ADAM10: variants seen among roughly 807,000 people sequenced by gnomAD.
ADAM10 encodes ADAM metallopeptidase domain 10.
In ADAM10, 17 loss-of-function variants were observed where a neutral mutation model predicts 90.1. That is an observed-to-expected ratio of 0.19 (90% confidence interval 0.13 to 0.28). The LOEUF (loss-of-function observed/expected upper bound fraction) is 0.28. Ranked by LOEUF, ADAM10 falls within the 10% of genes least tolerant of loss-of-function variation. ADAM10 has a pLI of 1.00. For synonymous variants in ADAM10, 310 were observed against 298.6 expected (o/e 1.04, Z -0.40); for missense variants, 610 against 914.3 (o/e 0.67, Z 4.29).
At chr15:58,610,895 G>A in intron 13 of ADAM10, 104 bp downstream of exon 13, 1 of 876,864 alleles carries the variant, frequency 1.1e-6, no homozygotes, top group Non-Finnish European at 1.9e-6. Flanking sequence ...GATTTAGCTG[G>A]AAATTATCTG....
At chr15:58,612,178 T>A (rs571019249) in intron 11 of ADAM10, among the ~76,000 whole-genome samples, 187 bp from the exon 12 acceptor site, 13 of 152,290 alleles carry the variant, frequency 8.5e-5, no homozygotes, top group African/African-American at 3.1e-4. Context: ...ACCGCCCTCC[T>A]GAGTAAACAG....
At chr15:58,616,872 G>C (rs145515963) in intron 11 of ADAM10, among the ~76,000 whole-genome samples, 12 of 152,140 alleles carry the variant, frequency 7.9e-5, no homozygotes, top group Non-Finnish European at 5.9e-5. Flanking sequence ...ACTTTGGGAG[G>C]CCGAGGCGGA....
rs35618023 is a variant in ADAM10 at position 58,719,776 on chromosome 15, TC to T, written c.56-2050del. 8.4e-3 allele frequency among the ~76,000 whole-genome samples: 1,277 copies of T among 152,324 alleles called. 19 individuals carry two copies. The highest frequency in any genetic ancestry group is 0.029 in the African/African-American group (1,217 of 41,552). Reference sequence around the variant, plus strand: ...CCACTACCTTCAATCATTAGTTGTTTCCCAGATCGAATAGAAAACTACTCAG... The same window carrying T: ...CCACTACCTTCAATCATTAGTTGTTTCCAGATCGAATAGAAAACTACTCAG... On this transcript the variant is annotated intron_variant, in intron 1 of 15. Transcript: ENST00000260408.
intron 1 of ADAM10, chr15:58,748,822 G>A (rs1444847771): frequency 5.0e-6 from 2 of 397,706 alleles, no homozygotes; most frequent in Non-Finnish European, 4.4e-6. Context: ...CCAAACACAG[G>A]ACACAGGAAG....
intron 4 of ADAM10, among the ~76,000 whole-genome samples, chr15:58,676,694 G>T (rs977084831): frequency 6.6e-6 from 1 of 152,086 alleles, no homozygotes; most frequent in African/African-American, 2.4e-5. Context: ...GCTTATACCT[G>T]GAGTCCCAGC....
intron 5 of ADAM10, among the ~76,000 whole-genome samples, chr15:58,649,581 A>G (rs900833268): frequency 3.2e-4 from 49 of 152,298 alleles, no homozygotes; most frequent in African/African-American, 1.2e-3. Flanking sequence ...AGAGCATCCT[A>G]GAGGATGGCA....
At chr15:58,679,019 T>A (rs1897358264) in intron 4 of ADAM10, 105 bp downstream of exon 4, 19 of 1,137,880 alleles carry the variant, frequency 1.7e-5, no homozygotes, top group Non-Finnish European at 2.2e-5. Context: ...CTAGCCTGAT[T>A]AGTAACTCAG....
In ADAM10 at chr15:58,597,480, T is replaced by C. The variant is rs375375156; in HGVS notation, c.*67A>G. On this transcript the variant is annotated 3_prime_UTR_variant, in exon 16 of 16. Coordinates refer to ENST00000260408, the MANE Select transcript of ADAM10 (RefSeq NM_001110.4). ...GTTTAGTTTGGAGATGATGACTTAATAGGTTTCTCTTTGGAGTGAAGTTTT... is the reference window on the plus strand; with the variant it reads ...GTTTAGTTTGGAGATGATGACTTAACAGGTTTCTCTTTGGAGTGAAGTTTT... The C allele has an allele frequency of 1.4e-5, 22 of 1,612,424 alleles. 1 individual carries two copies. Among genetic ancestry groups the C allele is most frequent in the Middle Eastern group, 1.6e-4 (1 of 6,062 alleles).
chr15:58,698,610 A>G (rs1177147234), intron 2 of ADAM10, among the ~76,000 whole-genome samples: 2 of 151,868 alleles, frequency 1.3e-5, no homozygotes, highest in African/African-American at 4.8e-5. Context: ...GATATCATAA[A>G]AAAGAACGAA....
At position 58,647,248 on chromosome 15, in the gene ADAM10, A is replaced by ATTTCT. The variant is rs1162350060; in HGVS notation, c.586-1045_586-1044insAGAAA. ...TGGCAGCAAAGAGTAGACACTAAGT[A>ATTTCT]TTTTTTTTTTTTTTTTTTTTTTTTT... On this transcript the variant is annotated intron_variant, in intron 5 of 15. Transcript: ENST00000260408. Among the ~76,000 whole-genome samples the ATTTCT allele has an allele frequency of 6.7e-4, 40 of 59,602 alleles. 4 individuals carry two copies. The highest frequency in any genetic ancestry group is 1.8e-3 in the African/African-American group (34 of 18,646). The allele number at this position is 59,602 out of a possible 152,430, so 39.1% of individuals were successfully genotyped here.
At chr15:58,729,934 CG>C (rs774884044) in intron 1 of ADAM10, among the ~76,000 whole-genome samples, 38 of 141,824 alleles carry the variant, frequency 2.7e-4, no homozygotes, top group Non-Finnish European at 4.5e-4. Context: ...TGTACTCCAG[CG>C]TAAGCAACAG....
At position 58,621,507 on chromosome 15, in the gene ADAM10, C is replaced by A; in HGVS notation, c.1475G>T (p.Gly492Val). The change falls in exon 11 of 16, where the codon GGA becomes GTA. Residue 492 changes from glycine to valine, a missense_variant. Physicochemically the swap from Gly to Val is moderately radical, Grantham distance 109. Around this residue, in one of 4 missense-constraint regions of ADAM10, gnomAD observed 53 missense variants for 62.0 expected, o/e 0.85. Transcript: ENST00000260408. ...CCCAGGTTTCAGTTTGCATTTTCTT[C>A]CCTCTGGTTGATTTGCATCGAAGCA... The part of the protein sequence containing the change: ...ECCFDANQPE[G>V]RKCKLKPGKQ... 6.2e-7 allele frequency: 1 copy of A among 1,614,084 alleles called. No homozygotes were observed. The highest frequency in any genetic ancestry group is 8.5e-7 in the Non-Finnish European group (1 of 1,180,006).
intron 2 of ADAM10, among the ~76,000 whole-genome samples, chr15:58,703,597 A>G (rs1025633899): frequency 1.3e-5 from 2 of 152,220 alleles, no homozygotes; most frequent in Non-Finnish European, 2.9e-5. Flanking sequence ...GTCAGACATA[A>G]GTCAGTGAAA....
chr15:58,676,230 GTAAAGA>G (rs1566990564), intron 4 of ADAM10: 2 of 451,956 alleles, frequency 4.4e-6, no homozygotes, highest in Admixed American at 4.8e-5. Context: ...AGAGCACAGG[GTAAAGA>G]ACAGGAGGTC....
intron 2 of ADAM10, among the ~76,000 whole-genome samples, chr15:58,698,105 A>G (rs1419097613): frequency 2.0e-5 from 3 of 152,188 alleles, no homozygotes; most frequent in Non-Finnish European, 4.4e-5. Context: ...AAGAAACATG[A>G]TAAAGCAAGG....
chr15:58,600,714 T>C (rs923994809), intron 14 of ADAM10, among the ~76,000 whole-genome samples: 4 of 152,192 alleles, frequency 2.6e-5, no homozygotes, highest in Non-Finnish European at 4.4e-5. Flanking sequence ...TGTCTAGTCT[T>C]AAATTATATT....
chr15:58,655,711 G>GTGTATATATA (rs1212041296), intron 5 of ADAM10, among the ~76,000 whole-genome samples: 43 of 53,700 alleles, frequency 8.0e-4, no homozygotes, highest in African/African-American at 2.7e-3. Flanking sequence ...TATATATATA[G>GTGTATATATA]TATATATATA....
At chr15:58,617,085 G>A (rs1466104884) in intron 11 of ADAM10, among the ~76,000 whole-genome samples, 4 of 150,938 alleles carry the variant, frequency 2.7e-5, no homozygotes, top group Admixed American at 1.3e-4. Context: ...CTCCAGCCTG[G>A]GGAAAAAAGT....
intron 5 of ADAM10, among the ~76,000 whole-genome samples, chr15:58,656,115 T>C (rs933576791): frequency 7.2e-5 from 11 of 152,294 alleles, no homozygotes; most frequent in Non-Finnish European, 1.6e-4. Flanking sequence ...TTTTGACTGA[T>C]ACAAGTATAG....
Sources: gnomAD v4.1 joint callset for allele counts (sites outside exome capture counted in the v4.1 genomes callset) on GRCh38, gnomAD v4.1.1 for gene constraint, gnomAD v4.1.1 regional missense constraint, MANE v1.5 for transcripts, NCBI Gene and HGNC (gene_info 2026-07-23, HGNC 2026-07-21) for gene names.